Variants in FRMD4A observed in about 807,000 individuals in gnomAD.
The protein encoded by FRMD4A is FERM domain containing 4A.
A neutral mutation model predicts 129.1 loss-of-function variants in FRMD4A; 29 were observed. The observed-to-expected ratio is 0.22, with a 90% CI of 0.17 to 0.31. The LOEUF (loss-of-function observed/expected upper bound fraction) is 0.31, where lower values mean the gene tolerates loss of function less well. Ranked by LOEUF, FRMD4A falls within the 10% of genes least tolerant of loss-of-function variation. The pLI is 1.00. For synonymous variants in FRMD4A, 634 were observed against 571.6 expected (o/e 1.11, Z -1.56); for missense variants, 1,272 against 1,375.8 (o/e 0.92, Z 1.19).
chr10:14,286,994 G>C (rs2132069252), intron 2 of FRMD4A, among the ~76,000 whole-genome samples: 1 of 152,260 alleles, frequency 6.6e-6, no homozygotes, highest in Non-Finnish European at 1.5e-5. Flanking sequence ...TTCTCACATA[G>C]ACTATATTTC....
rs1839005025 is a variant in FRMD4A at position 14,128,045 on chromosome 10, CCTCTTTCTT to C, written c.45+202004_45+202012del. On this transcript the variant is annotated intron_variant, in intron 2 of 24. Coordinates refer to ENST00000357447, the MANE Select transcript of FRMD4A (RefSeq NM_018027.5). ...CTTCCTTCCTTCCTTCCTTTCTTTC[CCTCTTTCTT>C]TCTTTCTTTCTTTCTTTCTTTCTTT... Among the ~76,000 whole-genome samples the C allele has an allele frequency of 4.2e-4, 32 of 75,568 alleles. 2 individuals carry two copies. Among genetic ancestry groups the C allele is most frequent in the African/African-American group, 1.8e-3 (32 of 17,928 alleles). The allele number at this position is 75,568 out of a possible 152,430, so 49.6% of individuals were successfully genotyped here.
At chr10:13,838,082 T>A (rs1047266524) in intron 3 of FRMD4A, among the ~76,000 whole-genome samples, 1 of 152,136 alleles carries the variant, frequency 6.6e-6, no homozygotes, top group Non-Finnish European at 1.5e-5. Flanking sequence ...AATTACAACG[T>A]GCTATCTCTT....
chr10:14,252,719 T>G (rs1354343750), intron 2 of FRMD4A, among the ~76,000 whole-genome samples: 1 of 152,230 alleles, frequency 6.6e-6, no homozygotes, highest in African/African-American at 2.4e-5. Context: ...ATAATATTAG[T>G]TTTTATCCTT....
chr10:13,933,712 A>G (rs1272042451), intron 2 of FRMD4A, among the ~76,000 whole-genome samples: 2 of 152,092 alleles, frequency 1.3e-5, no homozygotes, highest in Non-Finnish European at 2.9e-5. Context: ...GTTTTTGTTG[A>G]TATTTTGGGT....
At chr10:14,175,810 C>CCGCT (rs1488233908) in intron 2 of FRMD4A, among the ~76,000 whole-genome samples, 1 of 152,180 alleles carries the variant, frequency 6.6e-6, no homozygotes, top group Non-Finnish European at 1.5e-5. Context: ...CAGATGTGAG[C>CCGCT]CGCTGCTCAG....
chr10:14,131,961 G>A (rs1197248475), intron 2 of FRMD4A, among the ~76,000 whole-genome samples: 2 of 152,038 alleles, frequency 1.3e-5, no homozygotes, highest in Non-Finnish European at 2.9e-5. Flanking sequence ...CAGTCATGCC[G>A]GCAATTTCTA....
intron 12 of FRMD4A, among the ~76,000 whole-genome samples, chr10:13,733,416 C>T (rs1053567154): frequency 2.6e-5 from 4 of 151,996 alleles, no homozygotes; most frequent in African/African-American, 7.2e-5. Flanking sequence ...GTTTTGCTTT[C>T]CCTCAAGGGC....
intron 2 of FRMD4A, among the ~76,000 whole-genome samples, chr10:14,179,958 C>T (rs565035606): frequency 1.3e-5 from 2 of 152,264 alleles, no homozygotes; most frequent in East Asian, 3.9e-4. Context: ...CGCTTGAATC[C>T]AGGAGGCGGA....
intron 2 of FRMD4A, among the ~76,000 whole-genome samples, chr10:14,031,653 A>T (rs1457656597): frequency 6.6e-6 from 1 of 152,238 alleles, no homozygotes; most frequent in Non-Finnish European, 1.5e-5. Flanking sequence ...GAACCAAGGC[A>T]TGAGCTCTAG....
rs189768169 is a variant in FRMD4A, at chr10:13,685,825, G to A, written c.1117+8073C>T. 404 of 158,420 alleles carry A rather than the reference G, an allele frequency of 2.6e-3. 5 individuals carry two copies. Among genetic ancestry groups the A allele is most frequent in the African/African-American group, 9.5e-3 (394 of 41,666 alleles). 9.8% of individuals were successfully genotyped at this position (158,420 alleles called of 1,614,324 possible). A position where few individuals can be genotyped will look rare whatever the true frequency, so the allele number is the denominator to read the frequency against. Reference sequence around the variant, plus strand: ...CTCAAAAAAAAGTTATCATTGGAAAGTCATTCATTTAGGTTATACATTGTC... The same window carrying A: ...CTCAAAAAAAAGTTATCATTGGAAAATCATTCATTTAGGTTATACATTGTC... On this transcript the variant is annotated intron_variant, in intron 15 of 24. Transcript: ENST00000357447.
intron 2 of FRMD4A, among the ~76,000 whole-genome samples, chr10:13,980,909 G>A (rs1588662925): frequency 6.6e-6 from 1 of 152,116 alleles, no homozygotes; most frequent in Non-Finnish European, 1.5e-5. Context: ...ATTAGTCAAT[G>A]AATCAGACTT....
At chr10:13,969,329 C>T (rs763163282) in intron 2 of FRMD4A, among the ~76,000 whole-genome samples, 4 of 152,238 alleles carry the variant, frequency 2.6e-5, no homozygotes, top group Non-Finnish European at 5.9e-5. Context: ...AAGCACGAGG[C>T]GTGGTTAGCC....
At chr10:14,298,885 C>T (rs763037909) in intron 2 of FRMD4A, among the ~76,000 whole-genome samples, 6 of 152,194 alleles carry the variant, frequency 3.9e-5, no homozygotes, top group South Asian at 2.1e-4. Context: ...GCTCCCTTTC[C>T]GGATTGAAGC....
At chr10:14,324,146 C>T (rs971333781) in intron 2 of FRMD4A, among the ~76,000 whole-genome samples, 21 of 151,976 alleles carry the variant, frequency 1.4e-4, no homozygotes, top group South Asian at 4.1e-4. Context: ...GAAACAGGTC[C>T]AGCAGAAAAT....
chr10:14,320,524 A>G (rs1846935870), intron 2 of FRMD4A, among the ~76,000 whole-genome samples: 1 of 152,184 alleles, frequency 6.6e-6, no homozygotes, highest in Non-Finnish European at 1.5e-5. Flanking sequence ...GCCATTTTCT[A>G]CAAACCATGT....
At chr10:14,040,123 G>C (rs1281917709) in intron 2 of FRMD4A, among the ~76,000 whole-genome samples, 1 of 152,140 alleles carries the variant, frequency 6.6e-6, no homozygotes, top group Non-Finnish European at 1.5e-5. Context: ...GAACAGAGAG[G>C]TTAAGTCACT....
At chr10:14,092,220 G>A (rs1836701359) in intron 2 of FRMD4A, among the ~76,000 whole-genome samples, 2 of 152,262 alleles carry the variant, frequency 1.3e-5, no homozygotes, top group African/African-American at 2.4e-5. Flanking sequence ...ACCTGACCAC[G>A]TAGAACCCAA....
At chr10:13,906,361 T>A (rs2094882095) in intron 2 of FRMD4A, among the ~76,000 whole-genome samples, 1 of 152,156 alleles carries the variant, frequency 6.6e-6, no homozygotes, top group Non-Finnish European at 1.5e-5. Flanking sequence ...GGTAGCTGAC[T>A]CCTGAGGTTT....
At chr10:13,702,783 GGT>G (rs1215564475) in intron 13 of FRMD4A, among the ~76,000 whole-genome samples, 2 of 151,964 alleles carry the variant, frequency 1.3e-5, no homozygotes, top group Non-Finnish European at 2.9e-5. Flanking sequence ...TTTGGGCGGG[GGT>G]CGGGGGTGCT....
Sources: gnomAD v4.1 joint callset for allele counts (sites outside exome capture counted in the v4.1 genomes callset) on GRCh38, gnomAD v4.1.1 for gene constraint, MANE v1.5 for transcripts, NCBI Gene and HGNC (gene_info 2026-07-23, HGNC 2026-07-21) for gene names.